The following CROCC variants were observed in gnomAD, a reference collection of about 807,000 sequenced individuals.
CROCC encodes ciliary rootlet coiled-coil, rootletin.
CROCC carries 180 observed loss-of-function variants against 245.2 expected under a neutral mutation model. That is an observed-to-expected ratio of 0.73 (90% CI 0.65 to 0.83). CROCC has a LOEUF of 0.83. Ranked by LOEUF, CROCC falls within the 40% of genes least tolerant of loss-of-function variation. The probability of loss-of-function intolerance (pLI) is 0.00; values close to 1 mark genes in which losing one functional copy is unlikely to be tolerated. For missense variants in CROCC, 2,688 were observed against 2,779.4 expected (o/e 0.97, Z 0.74); for synonymous variants, 1,205 against 1,241.6 (o/e 0.97, Z 0.62).
chr1:16,928,611 G>T (rs1234200483), intron 3 of CROCC, among the ~76,000 whole-genome samples: 1 of 152,018 alleles, frequency 6.6e-6, no homozygotes, highest in Non-Finnish European at 1.5e-5. Flanking sequence ...AGACCAGCCT[G>T]GCCAACATAG....
chr1:16,939,258 C>G, intron 12 of CROCC, 116 bp downstream of exon 12: 1 of 943,610 alleles, frequency 1.1e-6, no homozygotes, highest in Non-Finnish European at 1.5e-6. Flanking sequence ...AGGGAGGAGT[C>G]TGAGCGCCCT....
chr1:16,935,382 G>C (rs2075765853), intron 8 of CROCC, among the ~76,000 whole-genome samples: 1 of 152,248 alleles, frequency 6.6e-6, no homozygotes, highest in Non-Finnish European at 1.5e-5. Context: ...AGGTGGCTCT[G>C]TGTCAGGCCA....
intron 3 of CROCC, among the ~76,000 whole-genome samples, chr1:16,928,176 GGT>G (rs773573204): frequency 1.3e-4 from 20 of 152,292 alleles, no homozygotes; most frequent in Non-Finnish European, 2.6e-4. Context: ...TAGCAGGCCA[GGT>G]CCTGAGGATG....
At chr1:16,940,872 C>A in intron 13 of CROCC, 1 of 417,724 alleles carries the variant, frequency 2.4e-6, no homozygotes, top group Non-Finnish European at 4.8e-6. Context: ...AGTTGGGGGC[C>A]TGGGCCTGGC....
intron 11 of CROCC, 57 bp from the exon 12 acceptor site, chr1:16,938,852 C>G (rs1557599231): frequency 6.5e-7 from 1 of 1,538,576 alleles, no homozygotes; most frequent in East Asian, 2.3e-5. Flanking sequence ...CTTTGCCCAG[C>G]TAACCCCGCG....
chr1:16,919,569 A>G (rs2075360963), upstream of CROCC, among the ~76,000 whole-genome samples: 1 of 152,400 alleles, frequency 6.6e-6, no homozygotes, highest in African/African-American at 2.4e-5. Flanking sequence ...TGGGAACTTC[A>G]GGAGACTTGT....
chr1:16,955,222 G>A (rs2076229540), intron 23 of CROCC, 90 bp from the exon 24 acceptor site: 2 of 1,291,038 alleles, frequency 1.5e-6, no homozygotes, highest in East Asian at 2.3e-5. Context: ...GATGGGGCAG[G>A]CTCCCTGGGT....
intron 14 of CROCC, among the ~76,000 whole-genome samples, chr1:16,945,085 T>C (rs1223269027): frequency 2.6e-5 from 4 of 152,244 alleles, no homozygotes; most frequent in Non-Finnish European, 4.4e-5. Flanking sequence ...CTACAAAAAT[T>C]AGTCAGGCGT....
chr1:16,961,113 G>A lies in CROCC; in HGVS notation c.4388G>A (p.Arg1463Gln). 4 of 1,352,984 alleles carry A rather than the reference G, an allele frequency of 3.0e-6. No homozygotes were observed. The highest frequency in any genetic ancestry group is 3.7e-5 in the Admixed American group (1 of 26,844). The allele number at this position is 1,352,984 out of a possible 1,614,324, so 83.8% of individuals were successfully genotyped here. A position where few individuals can be genotyped will look rare whatever the true frequency, so the allele number is the denominator to read the frequency against. The stretch of plus-strand genomic sequence containing the variant: ...CGGCCAGTGCCCGGTTCCCCTGCCC[G>A]GGACGCACCCGCAGAAGGTAAGGGC... ...APRPVPGSPA[R>Q]DAPAEGSGEG... Residue 1463 changes from arginine to glutamine, a missense_variant, in exon 27 of 37, where the codon CGG becomes CAG. Arg to Gln is a conservative substitution (Grantham distance 43). Coordinates refer to ENST00000375541, the MANE Select transcript of CROCC (RefSeq NM_014675.5).
Position 16,944,083 on chromosome 1 carries a change from C to T in CROCC, c.1809-17C>T, listed in dbSNP as rs904712299. 7 of 1,529,244 alleles carry T rather than the reference C, an allele frequency of 4.6e-6. No individual in the cohort carries two copies. The highest frequency in any genetic ancestry group is 2.2e-4 in the Middle Eastern group (1 of 4,482). 94.7% of individuals were successfully genotyped at this position (1,529,244 alleles called of 1,614,324 possible). On this transcript the variant is annotated splice_polypyrimidine_tract_variant and intron_variant, in intron 13 of 36. Coordinates refer to ENST00000375541, the MANE Select transcript of CROCC (RefSeq NM_014675.5). Reference sequence around the variant, plus strand: ...AGCCCCAGCATCCCCTCTGCTCCCCCTCCCCTTGTCCTGAAGGGAGAAGAG... The same window carrying T: ...AGCCCCAGCATCCCCTCTGCTCCCCTTCCCCTTGTCCTGAAGGGAGAAGAG...
Position 16,946,988 on chromosome 1 carries a change from G to T in CROCC, c.2511G>T (p.Ala837=), listed in dbSNP as rs555405161. 3 of 1,550,222 alleles carry T rather than the reference G, an allele frequency of 1.9e-6. No individual in the cohort carries two copies. Among genetic ancestry groups the T allele is most frequent in the Non-Finnish European group, 1.7e-6 (2 of 1,147,614 alleles). ...HERSQLQEQL[A]QLSRQLSGRE... ...GCAGCCAGCTGCAGGAGCAGCTAGC[G>T]CAGGTGGGCAAAGCTGTGTGTGGGG... Residue 837 remains alanine (A), a synonymous_variant, in exon 17 of 37, where the codon GCG becomes GCT. Transcript: ENST00000375541.
chr1:16,972,347 C>G lies in CROCC; in HGVS notation c.5968-13C>G. ...GAGGACCTGGCTGGCCTTACCTTCC[C>G]TTTCTTCCCCAGGTGTCCACACTGA... On this transcript the variant is annotated splice_polypyrimidine_tract_variant and intron_variant, in intron 36 of 36. Transcript: ENST00000375541. 6 of 1,613,174 alleles carry G rather than the reference C, an allele frequency of 3.7e-6. No individual in the cohort carries two copies. The highest frequency in any genetic ancestry group is 5.1e-6 in the Non-Finnish European group (6 of 1,179,264).
At chr1:16,914,303 C>T (rs2075281535) in intron 1 of CROCC, among the ~76,000 whole-genome samples, 1 of 152,194 alleles carries the variant, frequency 6.6e-6, no homozygotes. Context: ...GCGTTCCCAA[C>T]AGGCTCCGCG....
intron 20 of CROCC, 125 bp downstream of exon 20, chr1:16,951,247 G>A: frequency 1.1e-6 from 1 of 876,902 alleles, no homozygotes; most frequent in Non-Finnish European, 1.6e-6. Flanking sequence ...CCTGGGGACA[G>A]CTAGGAGGAC....
chr1:16,962,221 C>T (rs531373314), intron 27 of CROCC, among the ~76,000 whole-genome samples: 1 of 151,972 alleles, frequency 6.6e-6, no homozygotes, highest in South Asian at 2.1e-4. Context: ...TGTGCCACCA[C>T]GCCTGGCTAA....
Position 16,954,340 on chromosome 1 carries a change from C to A in CROCC, c.3304C>A (p.Arg1102=). 1 of 1,611,644 alleles carries A rather than the reference C, an allele frequency of 6.2e-7. No homozygotes were observed. Among genetic ancestry groups the A allele is most frequent in the Non-Finnish European group, 8.5e-7 (1 of 1,179,728 alleles). The change falls in exon 22 of 37, where the codon CGG becomes AGG. Residue 1102 remains arginine, a synonymous_variant. Coordinates refer to ENST00000375541, the MANE Select transcript of CROCC (RefSeq NM_014675.5). The surrounding 1 kb of genome is among the most constrained non-coding windows in gnomAD (Gnocchi z 4.4). ...GCGGCAGAAACGAGATGCCCAGAGC[C>A]GGCAGGAGCAGGACCGGGTAGGGCA... ...MERQKRDAQS[R]QEQDRSTVNA...
chr1:16,937,659 G>C lies in CROCC; in HGVS notation c.1212G>C (p.Leu404=). The stretch of plus-strand genomic sequence containing the variant: ...ACTCCAGAGTGACAGAGCTGGGCCT[G>C]GCAGTGAAGCGTCTTGAGAAGCAGA... The part of the protein sequence containing the change: ...DLSARVTELG[L]AVKRLEKQNL... The change falls in exon 10 of 37, where the codon CTG becomes CTC. Residue 404 remains leucine, a synonymous_variant. Transcript: ENST00000375541. 1 of 1,611,446 alleles carries C rather than the reference G, an allele frequency of 6.2e-7. No individual in the cohort carries two copies. The highest frequency in any genetic ancestry group is 1.1e-5 in the South Asian group (1 of 90,874).
chr1:16,966,149 C>T lies in CROCC; in HGVS notation c.4696+30C>T, dbSNP rs1416636396. On this transcript the variant is annotated intron_variant, in intron 29 of 36. Coordinates refer to ENST00000375541, the MANE Select transcript of CROCC (RefSeq NM_014675.5). The surrounding 1 kb of genome is among the most constrained non-coding windows in gnomAD (Gnocchi z 4.8). ...GTCTGATCCTCGGGGTCCCTGTTCT[C>T]TCTCCTGTGTTTTGGGCAGTTGAGG... The T allele has an allele frequency of 6.3e-7, 1 of 1,595,364 alleles. No homozygotes were observed. The highest frequency in any genetic ancestry group is 8.6e-7 in the Non-Finnish European group (1 of 1,167,966).
At chr1:16,930,645 T>C (rs1277848489) in intron 7 of CROCC, 51 bp downstream of exon 7, 4 of 1,561,882 alleles carry the variant, frequency 2.6e-6, no homozygotes, top group South Asian at 1.2e-5. Flanking sequence ...GAAGGGGCAC[T>C]GCAGAGGAGG....
Sources: gnomAD v4.1 joint callset for allele counts (sites outside exome capture counted in the v4.1 genomes callset) on GRCh38, gnomAD v4.1.1 for gene constraint, Gnocchi (gnomAD v3.1) non-coding constraint, MANE v1.5 for transcripts, NCBI Gene and HGNC (gene_info 2026-07-23, HGNC 2026-07-21) for gene names.